WDFY2: variants seen among roughly 807,000 people sequenced by gnomAD.
The protein encoded by WDFY2 is WD repeat and FYVE domain containing 2.
In WDFY2, 36 loss-of-function variants were observed where a neutral mutation model predicts 56.4. The ratio of observed to expected loss-of-function variants is 0.64; its 90% CI spans 0.49 to 0.84. The LOEUF is 0.84. WDFY2 is among the 40% of genes least tolerant of loss of function. The pLI is 0.00. For synonymous variants in WDFY2, 176 were observed against 183.7 expected (o/e 0.96, Z 0.34); for missense variants, 444 against 512.2 (o/e 0.87, Z 1.29).
chr13:51,621,875 C>G (rs1348181609), intron 1 of WDFY2, among the ~76,000 whole-genome samples: 2 of 152,148 alleles, frequency 1.3e-5, no homozygotes, highest in South Asian at 2.1e-4. Context: ...GAAACAGTCC[C>G]TGTTTCTCCC....
chr13:51,630,198 G>A (rs1035832012), intron 1 of WDFY2, among the ~76,000 whole-genome samples: 3 of 152,068 alleles, frequency 2.0e-5, no homozygotes, highest in Non-Finnish European at 4.4e-5. Flanking sequence ...ACTGAGGTTA[G>A]GTATTGTTAT....
At chr13:51,607,091 A>C (rs1226689237) in intron 1 of WDFY2, among the ~76,000 whole-genome samples, 1 of 152,226 alleles carries the variant, frequency 6.6e-6, no homozygotes, top group Non-Finnish European at 1.5e-5. Flanking sequence ...TTCTCCTCTT[A>C]GAAACACCCT....
chr13:51,744,127 G>T (rs751626853), intron 7 of WDFY2, among the ~76,000 whole-genome samples: 1 of 152,226 alleles, frequency 6.6e-6, no homozygotes, highest in Non-Finnish European at 1.5e-5. Context: ...GACCTCACTT[G>T]TGTGGATTGC....
chr13:51,674,932 T>A (rs1955861676), intron 2 of WDFY2, among the ~76,000 whole-genome samples: 1 of 152,188 alleles, frequency 6.6e-6, no homozygotes, highest in Non-Finnish European at 1.5e-5. Flanking sequence ...ACCAAGCCCC[T>A]TGGAACTTGC....
At chr13:51,601,260 A>G (rs1026131510) in intron 1 of WDFY2, among the ~76,000 whole-genome samples, 3 of 152,206 alleles carry the variant, frequency 2.0e-5, no homozygotes, top group Non-Finnish European at 4.4e-5. Flanking sequence ...CATATATCCT[A>G]TCTCAGGGAG....
intron 1 of WDFY2, among the ~76,000 whole-genome samples, chr13:51,608,847 A>G (rs930466729): frequency 2.6e-5 from 4 of 152,178 alleles, no homozygotes; most frequent in Admixed American, 1.3e-4. Context: ...CAGTACCACA[A>G]TGTATTTTAC....
chr13:51,604,554 A>G (rs1394101961), intron 1 of WDFY2, among the ~76,000 whole-genome samples: 3 of 152,216 alleles, frequency 2.0e-5, no homozygotes, highest in Admixed American at 1.3e-4. Context: ...GAGAGACTTG[A>G]GGACTATGTA....
rs148352212 is a variant in WDFY2 at position 51,703,594 on chromosome 13, A to G, written c.280-2A>G. The G allele has an allele frequency of 1.9e-6, 3 of 1,597,330 alleles. No homozygotes were observed. The highest frequency in any genetic ancestry group is 1.3e-5 in the African/African-American group (1 of 74,196). ...GTTTAATAGTTTTCTTTTCTTTTACAGGAGTTTATATTGTCAGAAGATTAT... is the reference window on the plus strand; with the variant it reads ...GTTTAATAGTTTTCTTTTCTTTTACGGGAGTTTATATTGTCAGAAGATTAT... On this transcript the variant is annotated splice_acceptor_variant, in intron 3 of 11. Coordinates refer to ENST00000298125, the MANE Select transcript of WDFY2 (RefSeq NM_052950.4). LOFTEE classifies it high-confidence loss of function.
chr13:51,703,644 T>C lies in WDFY2; in HGVS notation c.328T>C (p.Tyr110His). The change falls in exon 4 of 12, where the codon TAT (tyrosine) becomes CAT (histidine). Residue 110 changes from tyrosine (Y) to histidine (H), a missense_variant. Coordinates refer to ENST00000298125, the MANE Select transcript of WDFY2 (RefSeq NM_052950.4). ...DYNKMTPVKNYQAHQSRVTMI... is the reference protein window; with the variant it reads ...DYNKMTPVKNHQAHQSRVTMI... ...TAACAAGATGACTCCTGTGAAAAAC[T>C]ATCAAGGTAGGGAGTGAGAGGAGTA... The C allele has an allele frequency of 6.2e-7, 1 of 1,610,496 alleles. No individual in the cohort carries two copies. The highest frequency in any genetic ancestry group is 8.5e-7 in the Non-Finnish European group (1 of 1,178,084).
chr13:51,700,907 C>T (rs952571836), intron 3 of WDFY2, among the ~76,000 whole-genome samples: 6 of 152,232 alleles, frequency 3.9e-5, no homozygotes, highest in East Asian at 1.9e-4. Flanking sequence ...GCGGAGGTTG[C>T]GGTGGGCCAA....
chr13:51,692,937 T>A (rs1951776261), intron 3 of WDFY2, among the ~76,000 whole-genome samples: 1 of 152,178 alleles, frequency 6.6e-6, no homozygotes. Context: ...GTGTATATGT[T>A]GAGGAATTTA....
At chr13:51,755,586 C>T (rs964039920) in intron 9 of WDFY2, 127 bp downstream of exon 9, 3 of 808,750 alleles carry the variant, frequency 3.7e-6, no homozygotes, top group South Asian at 3.3e-5. Context: ...GGAGTCACCT[C>T]GTGATTGCAC....
chr13:51,603,235 G>A (rs1419113611), intron 1 of WDFY2, among the ~76,000 whole-genome samples: 6 of 152,194 alleles, frequency 3.9e-5, no homozygotes. Context: ...TTGAACTGCT[G>A]GAGGAATTCG....
chr13:51,603,764 A>C lies in WDFY2; in HGVS notation c.137+18940A>C, dbSNP rs188253895. 5.0e-3 allele frequency among the ~76,000 whole-genome samples: 758 copies of C among 152,314 alleles called. 5 individuals carry two copies. The highest frequency in any genetic ancestry group is 0.014 in the African/African-American group (595 of 41,584). On this transcript the variant is annotated intron_variant, in intron 1 of 11. Coordinates refer to ENST00000298125, the MANE Select transcript of WDFY2 (RefSeq NM_052950.4). Reference sequence around the variant, plus strand: ...TGGGAAGAATAATGCTTCCTTCTTCATAGGATTTTGGTAAGAATTAAGCAA... The same window carrying C: ...TGGGAAGAATAATGCTTCCTTCTTCCTAGGATTTTGGTAAGAATTAAGCAA...
chr13:51,646,935 G>A (rs1225944373), intron 1 of WDFY2, among the ~76,000 whole-genome samples: 1 of 152,212 alleles, frequency 6.6e-6, no homozygotes, highest in African/African-American at 2.4e-5. Context: ...GAAAGTATTT[G>A]GGGGAAGTGG....
intron 8 of WDFY2, among the ~76,000 whole-genome samples, chr13:51,752,200 G>A (rs570671647): frequency 1.3e-5 from 2 of 152,240 alleles, no homozygotes; most frequent in South Asian, 2.1e-4. Flanking sequence ...GAGAGTAGTC[G>A]CTATTACCCA....
intron 1 of WDFY2, among the ~76,000 whole-genome samples, chr13:51,660,175 G>A (rs1283635652): frequency 6.6e-6 from 1 of 151,812 alleles, no homozygotes; most frequent in African/African-American, 2.4e-5. Context: ...AGATACATAG[G>A]TATGTTAAGA....
intron 1 of WDFY2, among the ~76,000 whole-genome samples, chr13:51,597,514 A>G (rs1028126209): frequency 5.3e-5 from 8 of 152,130 alleles, no homozygotes; most frequent in African/African-American, 1.7e-4. Context: ...GACATTGCTT[A>G]TTTCTGCTTT....
At chr13:51,647,021 T>A (rs1955275047) in intron 1 of WDFY2, among the ~76,000 whole-genome samples, 1 of 152,248 alleles carries the variant, frequency 6.6e-6, no homozygotes, top group Admixed American at 6.5e-5. Flanking sequence ...CAATACAGTA[T>A]AACAGCTGTT....
Sources: allele counts gnomAD v4.1 joint callset (sites outside exome capture counted in the v4.1 genomes callset), GRCh38; gene constraint gnomAD v4.1.1; transcripts MANE v1.5; gene names NCBI Gene and HGNC (gene_info 2026-07-23, HGNC 2026-07-21).